CLCN4: variants seen among roughly 807,000 people sequenced by gnomAD.
CLCN4 encodes Cl-/H+ antiporter 4.
CLCN4 carries 1 observed loss-of-function variant against 41.7 expected under a neutral mutation model. The observed-to-expected ratio is 0.02, with a 90% CI of 0.01 to 0.11. The LOEUF is 0.11. Among genes scored for constraint, CLCN4 ranks in the 10% least tolerant of loss-of-function variants. CLCN4 has a pLI of 1.00. For synonymous variants in CLCN4, 277 were observed against 285.8 expected, an observed-to-expected ratio of 0.97 and a Z score of 0.31; for missense variants, 287 against 661.0, an observed-to-expected ratio of 0.43 and a Z score of 6.20.
intron 6 of CLCN4, 53 bp downstream of exon 6, chrX:10,198,114 T>C: frequency 1.8e-6 from 2 of 1,138,474 alleles, no homozygotes; most frequent in Non-Finnish European, 2.4e-6. Context: ...CAAATTCTTC[T>C]GTAGCACTGT....
chrX:10,160,814 G>A (rs903065613), intron 2 of CLCN4, among the ~76,000 whole-genome samples: 10 of 111,379 alleles, frequency 9.0e-5, no homozygotes, highest in African/African-American at 2.0e-4. Context: ...GAGGGTGACC[G>A]TGGCTGCATC....
chrX:10,212,508 G>A lies in CLCN4; in HGVS notation c.1431G>A (p.Ala477=), dbSNP rs139272007. The A allele has an allele frequency of 1.9e-5, 23 of 1,210,139 alleles. No individual in the cohort carries two copies. The highest frequency in any genetic ancestry group is 2.3e-5 in the Non-Finnish European group (21 of 895,233). ...TCATCCCCAGCATGGCTGTGGGCGCGATAGCGGGCAGGATGGTGGGAATTG... is the reference window on the plus strand; with the variant it reads ...TCATCCCCAGCATGGCTGTGGGCGCAATAGCGGGCAGGATGGTGGGAATTG... ...GLFIPSMAVG[A]IAGRMVGIGV... The change falls in exon 10 of 13, where the codon GCG becomes GCA. Residue 477 remains alanine, a synonymous_variant. Transcript: ENST00000380833.
intron 2 of CLCN4, among the ~76,000 whole-genome samples, chrX:10,175,968 CTCTGTGTG>C (rs200942361): frequency 0.017 from 1,198 of 70,985 alleles, 31 homozygotes; most frequent in Middle Eastern, 0.039. Flanking sequence ...CTCTCTCTCT[CTCTGTGTG>C]TGTGTGTATG....
intron 2 of CLCN4, among the ~76,000 whole-genome samples, chrX:10,173,478 G>A (rs2147161378): frequency 9.0e-6 from 1 of 110,923 alleles, no homozygotes; most frequent in East Asian, 2.8e-4. Flanking sequence ...ACCCCGGGCT[G>A]GGAACCGTGG....
At position 10,231,166 on chromosome X, in the gene CLCN4, C is replaced by T. The variant is rs761098280; in HGVS notation, c.2193-2328C>T. ...CAATACACATTTTGATTTTTCTCCACGTCTTTTCATGACTTGATAGCACTT... is the reference window on the plus strand; with the variant it reads ...CAATACACATTTTGATTTTTCTCCATGTCTTTTCATGACTTGATAGCACTT... On this transcript the variant is annotated intron_variant, in intron 12 of 12. Coordinates refer to ENST00000380833, the MANE Select transcript of CLCN4 (RefSeq NM_001830.4). Among the ~76,000 whole-genome samples, 8 of 112,215 alleles carry T rather than the reference C, an allele frequency of 7.1e-5. No individual in the cohort carries two copies. The East Asian group carries it at 2.0e-3, about 27-fold the overall frequency.
chrX:10,168,423 G>A (rs1043098636), intron 2 of CLCN4, among the ~76,000 whole-genome samples: 3 of 112,206 alleles, frequency 2.7e-5, no homozygotes, highest in Non-Finnish European at 5.6e-5. Flanking sequence ...CTTTGTCAGG[G>A]CTTTCAGACT....
At chrX:10,206,630 T>C in intron 7 of CLCN4, 66 bp downstream of exon 7, 8 of 1,183,400 alleles carry the variant, frequency 6.8e-6, no homozygotes, top group Non-Finnish European at 9.2e-6. Flanking sequence ...GCTGTCTGAC[T>C]TGCAGGTTTG....
chrX:10,187,839 G>T (rs1044286344), intron 4 of CLCN4, among the ~76,000 whole-genome samples: 1 of 112,845 alleles, frequency 8.9e-6, no homozygotes, highest in Non-Finnish European at 1.9e-5. Context: ...TCAGGCACAG[G>T]CTTCTGAAGA....
chrX:10,173,876 C>G (rs1427801547), intron 2 of CLCN4, among the ~76,000 whole-genome samples: 2 of 112,256 alleles, frequency 1.8e-5, no homozygotes, highest in African/African-American at 6.5e-5. Context: ...AGGCGTCTGT[C>G]TGGGTCTCTG....
At chrX:10,179,910 C>T (rs1305885027) in intron 2 of CLCN4, among the ~76,000 whole-genome samples, 2 of 111,763 alleles carry the variant, frequency 1.8e-5, no homozygotes, top group Non-Finnish European at 3.8e-5. Context: ...TAAGGTCACA[C>T]GGGTGGTAAG....
Position 10,217,393 on chromosome X carries a change from C to G in CLCN4, c.1976-3268C>G, listed in dbSNP as rs767385389. Among the ~76,000 whole-genome samples the G allele has an allele frequency of 1.7e-4, 19 of 112,136 alleles. No homozygotes were observed. In the East Asian group the frequency reaches 5.4e-3, roughly 32 times the overall value. On this transcript the variant is annotated intron_variant, in intron 11 of 12. Coordinates refer to ENST00000380833, the MANE Select transcript of CLCN4 (RefSeq NM_001830.4). ...TTCTCTGTGCTGGGGCTGTCTTGTG[C>G]ACTCTTGGGTGCTGAGCAGCATCCC...
rs1351019504 is a variant in CLCN4, at chrX:10,214,130, T to C, written c.1975+51T>C. The C allele has an allele frequency of 3.7e-6, 4 of 1,085,773 alleles. No homozygotes were observed. The African/African-American group carries it at 7.4e-5, about 20-fold the overall frequency. 89.5% of individuals were successfully genotyped at this position (1,085,773 alleles called of 1,213,427 possible). A position where few individuals can be genotyped will look rare whatever the true frequency, so the allele number is the denominator to read the frequency against. On this transcript the variant is annotated intron_variant, in intron 11 of 12. Transcript: ENST00000380833. ...TTTTACCAAGAGCCGAATGGCATCC[T>C]TTGTACCCCTAACATTATCCAAGAT...
intron 12 of CLCN4, 55 bp from the exon 13 acceptor site, chrX:10,233,439 G>T: frequency 1.1e-6 from 1 of 874,855 alleles, no homozygotes; most frequent in South Asian, 2.1e-5. Context: ...TTAGGGAGAG[G>T]GATGAGTCGT....
intron 2 of CLCN4, among the ~76,000 whole-genome samples, chrX:10,161,505 A>G (rs932566498): frequency 8.9e-6 from 1 of 112,231 alleles, no homozygotes; most frequent in African/African-American, 3.2e-5. Context: ...GAATAGCCAA[A>G]TATCACTTGT....
At chrX:10,189,000 G>A (rs1405868996) in intron 4 of CLCN4, among the ~76,000 whole-genome samples, 1 of 111,911 alleles carries the variant, frequency 8.9e-6, no homozygotes, top group African/African-American at 3.3e-5. Context: ...CTTTACCAGT[G>A]GCATTTCCCG....
intron 12 of CLCN4, among the ~76,000 whole-genome samples, chrX:10,227,614 A>G (rs1160810346): frequency 9.0e-6 from 1 of 111,690 alleles, no homozygotes; most frequent in African/African-American, 3.3e-5. Flanking sequence ...ACAATTTTAG[A>G]TCATTTTCAT....
rs753905723 is a variant in CLCN4 at position 10,226,006 on chromosome X, G to A, written c.2192+5129G>A. Reference sequence around the variant, plus strand: ...ATGTAGTATAGTTTGAAGTTGGGTGGCATGATGCCTCCAGCTTTGTTCTTT... The same window carrying A: ...ATGTAGTATAGTTTGAAGTTGGGTGACATGATGCCTCCAGCTTTGTTCTTT... On this transcript the variant is annotated intron_variant, in intron 12 of 12. Coordinates refer to ENST00000380833, the MANE Select transcript of CLCN4 (RefSeq NM_001830.4). 9.0e-5 allele frequency among the ~76,000 whole-genome samples: 10 copies of A among 111,425 alleles called. No homozygotes were observed. The South Asian group carries it at 2.3e-3, about 25-fold the overall frequency.
intron 6 of CLCN4, among the ~76,000 whole-genome samples, chrX:10,203,593 C>T (rs1924297651): frequency 9.0e-6 from 1 of 111,694 alleles, no homozygotes; most frequent in African/African-American, 3.3e-5. Context: ...ACGGCTCTCC[C>T]TTAAATACTG....
chrX:10,173,452 C>T (rs1416073557), intron 2 of CLCN4, among the ~76,000 whole-genome samples: 2 of 110,758 alleles, frequency 1.8e-5, no homozygotes, highest in Non-Finnish European at 3.8e-5. Context: ...AATGCTCCCA[C>T]GTGGTTCGGC....
Sources: gnomAD v4.1 joint callset for allele counts (sites outside exome capture counted in the v4.1 genomes callset) on GRCh38, gnomAD v4.1.1 for gene constraint, MANE v1.5 for transcripts, NCBI Gene and HGNC (gene_info 2026-07-23, HGNC 2026-07-21) for gene names.